The following ANXA11 variants were observed in gnomAD, a reference collection of about 807,000 sequenced individuals.
The protein encoded by ANXA11 is annexin A11.
A neutral mutation model predicts 64.7 loss-of-function variants in ANXA11; 57 were observed. The ratio of observed to expected loss-of-function variants is 0.88; its 90% confidence interval spans 0.71 to 1.10. The LOEUF (loss-of-function observed/expected upper bound fraction) is 1.10. Ranked by LOEUF, ANXA11 falls within the 50% of genes least tolerant of loss-of-function variation. The pLI, the probability that ANXA11 is intolerant of heterozygous loss-of-function variation, is 0.00. For synonymous variants in ANXA11, 260 were observed against 265.2 expected, an observed-to-expected ratio of 0.98 and a Z score of 0.19; for missense variants, 675 against 670.7, an observed-to-expected ratio of 1.01 and a Z score of -0.07.
intron 3 of ANXA11, 124 bp downstream of exon 3, chr10:80,172,683 C>T (rs1039432207): frequency 1.0e-6 from 1 of 989,908 alleles, no homozygotes; most frequent in Non-Finnish European, 1.6e-6. Flanking sequence ...TTGTCCTCTC[C>T]TCCCCTGCTG....
In ANXA11 at chr10:80,153,697, TG is replaced by T. The variant is rs1845196735; in HGVS notation, c.*2155del. 1 of 152,360 alleles carries T rather than the reference TG, an allele frequency of 6.6e-6. No individual in the cohort carries two copies. Among genetic ancestry groups the T allele is most frequent in the Non-Finnish European group, 1.5e-5 (1 of 68,144 alleles). 9.4% of individuals were successfully genotyped at this position (152,360 alleles called of 1,614,324 possible). ...GAGCAGCAGGGATGGGGCTTCAGCT[TG>T]GGCTTGAGGCATGGACTCTGACGCA... On this transcript the variant is annotated 3_prime_UTR_variant, in exon 16 of 16. Coordinates refer to ENST00000422982, the MANE Select transcript of ANXA11 (RefSeq NM_145868.2).
At position 80,166,900 on chromosome 10, in the gene ANXA11, G is replaced by A; in HGVS notation, c.734C>T (p.Ala245Val). The change falls in exon 7 of 16, where the codon GCT becomes GTT. Residue 245 changes from alanine to valine, a missense_variant. Coordinates refer to ENST00000422982, the MANE Select transcript of ANXA11 (RefSeq NM_145868.2). ...RQQILLSFKT[A>V]YGKDLIKDLK... Reference sequence around the variant, plus strand: ...CACCCCGCAGCTCGCCTTGCCGTAAGCCGTCTTGAAGGAAAGTAGGATCTG... The same window carrying A: ...CACCCCGCAGCTCGCCTTGCCGTAAACCGTCTTGAAGGAAAGTAGGATCTG... 3 of 1,606,744 alleles carry A rather than the reference G, an allele frequency of 1.9e-6. No homozygotes were observed. The highest frequency in any genetic ancestry group is 1.7e-6 in the Non-Finnish European group (2 of 1,177,384).
rs1820730338 is a variant in ANXA11 at position 80,154,090 on chromosome 10, C to T, written c.*1763G>A. On this transcript the variant is annotated 3_prime_UTR_variant, in exon 16 of 16. Coordinates refer to ENST00000422982, the MANE Select transcript of ANXA11 (RefSeq NM_145868.2). ...GTAGCCGACTATAGGGAATGCACTACAATGCCAGGTAAATTTTTTTTTTTT... is the reference window on the plus strand; with the variant it reads ...GTAGCCGACTATAGGGAATGCACTATAATGCCAGGTAAATTTTTTTTTTTT... The T allele has an allele frequency of 7.4e-6, 1 of 135,242 alleles. No individual in the cohort carries two copies. Among genetic ancestry groups the T allele is most frequent in the Non-Finnish European group, 1.5e-5 (1 of 64,802 alleles). 8.4% of individuals were successfully genotyped at this position (135,242 alleles called of 1,614,324 possible). A position where few individuals can be genotyped will look rare whatever the true frequency, so the allele number is the denominator to read the frequency against.
At chr10:80,178,303 G>C (rs1040349887) in intron 1 of ANXA11, among the ~76,000 whole-genome samples, 22 of 152,288 alleles carry the variant, frequency 1.4e-4, no homozygotes, top group African/African-American at 3.9e-4. Flanking sequence ...CATGGGGCAA[G>C]AGACATGCTT....
intron 1 of ANXA11, among the ~76,000 whole-genome samples, chr10:80,183,859 A>T (rs1395972007): frequency 6.6e-6 from 1 of 152,226 alleles, no homozygotes; most frequent in Non-Finnish European, 1.5e-5. Context: ...TATGAAGACG[A>T]GGGAAGGCAG....
At chr10:80,190,484 A>ATTT (rs34704342) in intron 1 of ANXA11, among the ~76,000 whole-genome samples, 7,586 of 127,420 alleles carry the variant, frequency 0.06, 412 homozygotes, top group South Asian at 0.072. Flanking sequence ...TTTACAATAA[A>ATTT]TTTTTTTTTT....
intron 1 of ANXA11, among the ~76,000 whole-genome samples, chr10:80,177,120 CAGGCACCTG>C (rs2132440566): frequency 6.6e-6 from 1 of 152,146 alleles, no homozygotes; most frequent in East Asian, 1.9e-4. Flanking sequence ...GCTGGGACTA[CAGGCACCTG>C]AGGCACCTGC....
At chr10:80,190,274 T>G (rs188371934) in intron 1 of ANXA11, among the ~76,000 whole-genome samples, 61 of 149,830 alleles carry the variant, frequency 4.1e-4, no homozygotes, top group Non-Finnish European at 7.6e-4. Flanking sequence ...TTTTACGTTG[T>G]GTATATTTTT....
chr10:80,189,704 G>A (rs1023760046), intron 1 of ANXA11, among the ~76,000 whole-genome samples: 14 of 152,206 alleles, frequency 9.2e-5, no homozygotes, highest in African/African-American at 2.4e-4. Flanking sequence ...TCCTTTGAGC[G>A]TCATGTTGGA....
At chr10:80,166,241 G>A in intron 7 of ANXA11, 44 bp from the exon 8 acceptor site, 9 of 1,220,148 alleles carry the variant, frequency 7.4e-6, no homozygotes, top group Non-Finnish European at 1.1e-5. Flanking sequence ...AAAAAAACAA[G>A]TCTATTTAAA....
In ANXA11 at chr10:80,159,189, T is replaced by C. The variant is rs771962116; in HGVS notation, c.1187A>G (p.Asn396Ser). 1.1e-5 allele frequency: 17 copies of C among 1,613,604 alleles called. No individual in the cohort carries two copies. The highest frequency in any genetic ancestry group is 1.7e-5 in the Admixed American group (1 of 59,994). The change falls in exon 13 of 16, where the codon AAT becomes AGT. Residue 396 changes from asparagine (N) to serine (S), a missense_variant. Coordinates refer to ENST00000422982, the MANE Select transcript of ANXA11 (RefSeq NM_145868.2). ...CCGGCCTGTCATTCTCTGGTACTCA[T>C]TGAAAACTATGGGGATGACAGAGGC... Reference protein sequence around the residue: ...RSRAHLVAVFNEYQRMTGRDI... With the variant: ...RSRAHLVAVFSEYQRMTGRDI...
rs12251621 is a variant in ANXA11 at position 80,187,024 on chromosome 10, G to C, written c.-57-10869C>G. 7.6e-4 allele frequency among the ~76,000 whole-genome samples: 116 copies of C among 152,320 alleles called. 1 individual carries two copies. Among genetic ancestry groups the C allele is most frequent in the African/African-American group, 2.6e-3 (108 of 41,580 alleles). On this transcript the variant is annotated intron_variant, in intron 1 of 15. Transcript: ENST00000422982. Reference sequence around the variant, plus strand: ...GACAGAGACACAGTGCTAATATCTGGCTGCCTCGCAGGCCAGCACGTGATG... The same window carrying C: ...GACAGAGACACAGTGCTAATATCTGCCTGCCTCGCAGGCCAGCACGTGATG...
intron 1 of ANXA11, among the ~76,000 whole-genome samples, chr10:80,204,125 T>C (rs1229320549): frequency 3.3e-5 from 5 of 152,342 alleles, no homozygotes; most frequent in Admixed American, 2.0e-4. Context: ...ACCCCCATTT[T>C]ACAGATGAAA....
intron 5 of ANXA11, among the ~76,000 whole-genome samples, chr10:80,168,530 G>GT (rs1259505525): frequency 6.7e-6 from 1 of 149,564 alleles, no homozygotes; most frequent in Non-Finnish European, 1.5e-5. Context: ...GTCTTTTTTT[G>GT]TTTTTGTTTT....
chr10:80,166,238 C>CA (rs1564606989), intron 7 of ANXA11, 41 bp from the exon 8 acceptor site: 1 of 1,163,672 alleles, frequency 8.6e-7, no homozygotes, highest in East Asian at 2.4e-5. Context: ...AAAAAAAAAA[C>CA]AAGTCTATTT....
chr10:80,184,526 G>A (rs754456591), intron 1 of ANXA11, among the ~76,000 whole-genome samples: 9 of 151,606 alleles, frequency 5.9e-5, no homozygotes, highest in South Asian at 2.1e-4. Flanking sequence ...GTCAGGGACC[G>A]TGTGTGTGTG....
intron 1 of ANXA11, among the ~76,000 whole-genome samples, chr10:80,205,140 A>C (rs75006354): frequency 6.6e-6 from 1 of 151,908 alleles, no homozygotes; most frequent in South Asian, 2.1e-4. Flanking sequence ...AGGCTGATCT[A>C]GGGGGCTGCC....
intron 1 of ANXA11, among the ~76,000 whole-genome samples, chr10:80,189,216 A>C (rs902160846): frequency 1.3e-5 from 2 of 152,176 alleles, no homozygotes; most frequent in African/African-American, 4.8e-5. Context: ...GAAAAGGAAG[A>C]ATAAGAAGGA....
At position 80,155,481 on chromosome 10, in the gene ANXA11, CCTCT is replaced by C. The variant is rs1845241141; in HGVS notation, c.*368_*371del. ...TGTATGCAGCAAACAGACTTGTATG[CCTCT>C]GTCTGGCAATGACTGTAAGAAAAGA... On this transcript the variant is annotated 3_prime_UTR_variant, in exon 16 of 16. Coordinates refer to ENST00000422982, the MANE Select transcript of ANXA11 (RefSeq NM_145868.2). 4.2e-6 allele frequency: 1 copy of C among 237,062 alleles called. No individual in the cohort carries two copies. The highest frequency in any genetic ancestry group is 8.3e-6 in the Non-Finnish European group (1 of 120,166). The allele number at this position is 237,062 out of a possible 1,614,324, so 14.7% of individuals were successfully genotyped here. A position where few individuals can be genotyped will look rare whatever the true frequency, so the allele number is the denominator to read the frequency against.
Sources: allele counts gnomAD v4.1 joint callset (sites outside exome capture counted in the v4.1 genomes callset), GRCh38; gene constraint gnomAD v4.1.1; transcripts MANE v1.5; gene names NCBI Gene and HGNC (gene_info 2026-07-23, HGNC 2026-07-21).